The following FAM83B variants were observed in gnomAD, a reference collection of about 807,000 sequenced individuals.
FAM83B encodes protein FAM83B.
In FAM83B, 26 loss-of-function variants were observed where a neutral mutation model predicts 38.8. That is an observed-to-expected ratio of 0.67 (90% CI 0.49 to 0.93). The LOEUF (loss-of-function observed/expected upper bound fraction) is 0.93, where lower values mean the gene tolerates loss of function less well. Ranked by LOEUF, FAM83B falls within the 40% of genes least tolerant of loss-of-function variation. FAM83B has a pLI of 0.00. For missense variants in FAM83B, 1,237 were observed against 1,197.3 expected (o/e 1.03, Z -0.49); for synonymous variants, 419 against 423.1 (o/e 0.99, Z 0.12).
chr6:54,905,499 G>A (rs952778855), intron 2 of FAM83B, among the ~76,000 whole-genome samples: 3 of 151,636 alleles, frequency 2.0e-5, no homozygotes, highest in South Asian at 2.1e-4. Context: ...TATTTTTTTC[G>A]TGGTAAGAAC....
chr6:54,893,315 T>C (rs1472633188), intron 2 of FAM83B, among the ~76,000 whole-genome samples: 5 of 152,192 alleles, frequency 3.3e-5, no homozygotes, highest in Non-Finnish European at 7.3e-5. Flanking sequence ...ATTTTTTATT[T>C]ATACCATCAA....
At chr6:54,895,775 C>T (rs1457645524) in intron 2 of FAM83B, among the ~76,000 whole-genome samples, 1 of 152,018 alleles carries the variant, frequency 6.6e-6, no homozygotes, top group African/African-American at 2.4e-5. Flanking sequence ...GCGTCTCGCT[C>T]TGTTACCCAG....
At chr6:54,864,804 C>G (rs2127573951) in intron 1 of FAM83B, among the ~76,000 whole-genome samples, 1 of 152,096 alleles carries the variant, frequency 6.6e-6, no homozygotes, top group East Asian at 1.9e-4. Flanking sequence ...TGTTCTGAAA[C>G]AATCCTTTAT....
At chr6:54,874,595 A>C (rs1163775208) in intron 2 of FAM83B, among the ~76,000 whole-genome samples, 1 of 152,186 alleles carries the variant, frequency 6.6e-6, no homozygotes, top group Non-Finnish European at 1.5e-5. Context: ...TAATTACTTA[A>C]AAAAGTCTTC....
At chr6:54,907,399 T>TA (rs1215140031) in intron 2 of FAM83B, among the ~76,000 whole-genome samples, 1 of 79,358 alleles carries the variant, frequency 1.3e-5, no homozygotes, top group Non-Finnish European at 2.1e-5. Flanking sequence ...TAAAAAAAGT[T>TA]AAAAAAAATT....
Position 54,870,166 on chromosome 6 carries a change from TTTC to T in FAM83B, c.-60-15_-60-13del. ...TACCGAATTTTAACTTGATCTTGAT[TTTC>T]TTCTTTTCAAATACCAGATACTTCT... is the stretch of plus-strand genomic sequence containing the variant. On this transcript the variant is annotated intron_variant, in intron 1 of 4. Coordinates refer to ENST00000306858, the MANE Select transcript of FAM83B (RefSeq NM_001010872.3). 9.3e-7 allele frequency: 1 copy of T among 1,073,242 alleles called. No individual in the cohort carries two copies. Among genetic ancestry groups the T allele is most frequent in the Non-Finnish European group, 1.4e-6 (1 of 731,694 alleles). The allele number at this position is 1,073,242 out of a possible 1,614,324, so 66.5% of individuals were successfully genotyped here.
chr6:54,866,991 C>T (rs1771722306), intron 1 of FAM83B, among the ~76,000 whole-genome samples: 1 of 151,564 alleles, frequency 6.6e-6, no homozygotes, highest in African/African-American at 2.4e-5. Flanking sequence ...TTTTTTGAGG[C>T]ATGGATTTGT....
At chr6:54,846,373 C>A (rs1029582636), upstream of FAM83B, among the ~76,000 whole-genome samples, 10 of 152,236 alleles carry the variant, frequency 6.6e-5, no homozygotes, top group African/African-American at 1.2e-4. Flanking sequence ...GGGACCACGG[C>A]CCCGCTCGGC....
Position 54,940,049 on chromosome 6 carries a change from C to G in FAM83B, c.1078C>G (p.Pro360Ala). The change falls in exon 5 of 5, where the codon CCT becomes GCT. Residue 360 changes from proline (P) to alanine (A), a missense_variant. Coordinates refer to ENST00000306858, the MANE Select transcript of FAM83B (RefSeq NM_001010872.3). ...TAACATAAGAAGTCACGGATACAAA[C>G]CTCATTTTGTTCCTAACTTTAATGG... ...KYNIRSHGYK[P>A]HFVPNFNGPN... 1 of 1,613,902 alleles carries G rather than the reference C, an allele frequency of 6.2e-7. No homozygotes were observed. The highest frequency in any genetic ancestry group is 2.2e-5 in the East Asian group (1 of 44,876).
rs1270785172 is a variant in FAM83B at position 54,944,982 on chromosome 6, G to T, written c.*2975G>T. On this transcript the variant is annotated 3_prime_UTR_variant, in exon 5 of 5. Transcript: ENST00000306858. ...GGGCTCAAACGATCCTCCAGCCTCAGGTTCCTGAGTAGCTCAACATTTTAT... is the reference window on the plus strand; with the variant it reads ...GGGCTCAAACGATCCTCCAGCCTCATGTTCCTGAGTAGCTCAACATTTTAT... 1.3e-5 allele frequency: 2 copies of T among 152,072 alleles called. No individual in the cohort carries two copies. The highest frequency in any genetic ancestry group is 1.3e-4 in the Admixed American group (2 of 15,280). The allele number at this position is 152,072 out of a possible 1,614,324, so 9.4% of individuals were successfully genotyped here. A position where few individuals can be genotyped will look rare whatever the true frequency, so the allele number is the denominator to read the frequency against.
chr6:54,857,215 A>G (rs9382387), intron 1 of FAM83B, among the ~76,000 whole-genome samples: 34,912 of 152,080 alleles, frequency 0.23, 5,503 homozygotes, highest in African/African-American at 0.45. Context: ...TGGTATTGGA[A>G]CACACATTTA....
chr6:54,906,574 G>A (rs1257994482), intron 2 of FAM83B, among the ~76,000 whole-genome samples: 1 of 151,812 alleles, frequency 6.6e-6, no homozygotes, highest in African/African-American at 2.4e-5. Flanking sequence ...TAGTAGAGAC[G>A]GGGTTTCACC....
intron 1 of FAM83B, among the ~76,000 whole-genome samples, chr6:54,866,313 C>T (rs1434075722): frequency 2.0e-5 from 3 of 151,694 alleles, no homozygotes; most frequent in Non-Finnish European, 4.4e-5. Context: ...GGGCAAAAAT[C>T]CAGAGAGATT....
chr6:54,886,303 AT>A (rs35913544), intron 2 of FAM83B, among the ~76,000 whole-genome samples: 45,020 of 151,206 alleles, frequency 0.3, 8,506 homozygotes, highest in East Asian at 0.8. Context: ...CCACATAATG[AT>A]TTTTTTTTGT....
chr6:54,884,378 AG>A (rs1163608541), intron 2 of FAM83B, among the ~76,000 whole-genome samples: 3 of 145,598 alleles, frequency 2.1e-5, no homozygotes, highest in Non-Finnish European at 1.5e-5. Flanking sequence ...GCTACTTGGG[AG>A]GCTGAGTCAT....
At chr6:54,855,680 G>A (rs1488996358) in intron 1 of FAM83B, among the ~76,000 whole-genome samples, 1 of 152,168 alleles carries the variant, frequency 6.6e-6, no homozygotes, top group African/African-American at 2.4e-5. Context: ...AAAGAAGAGT[G>A]TTAAATCTCT....
intron 2 of FAM83B, among the ~76,000 whole-genome samples, chr6:54,920,827 G>C (rs80088032): frequency 2.6e-5 from 4 of 151,726 alleles, no homozygotes; most frequent in Admixed American, 2.0e-4. Flanking sequence ...TTCAGTATGC[G>C]TATTACTATC....
chr6:54,910,162 G>GTTTCATA (rs1772872678), intron 2 of FAM83B, among the ~76,000 whole-genome samples: 1 of 152,148 alleles, frequency 6.6e-6, no homozygotes, highest in Admixed American at 6.6e-5. Context: ...CCACCTAGCT[G>GTTTCATA]TTTCATAGAT....
intron 2 of FAM83B, among the ~76,000 whole-genome samples, chr6:54,901,790 C>T (rs1424676159): frequency 2.6e-5 from 4 of 152,118 alleles, no homozygotes; most frequent in Non-Finnish European, 5.9e-5. Context: ...TAATTAAGCA[C>T]TTTAACTCTG....
Sources: gnomAD v4.1 joint callset for allele counts (sites outside exome capture counted in the v4.1 genomes callset) on GRCh38, gnomAD v4.1.1 for gene constraint, MANE v1.5 for transcripts, NCBI Gene and HGNC (gene_info 2026-07-23, HGNC 2026-07-21) for gene names.